Variants in SLC26A3 observed in about 807,000 individuals in gnomAD.
The protein encoded by SLC26A3 is chloride anion exchanger.
SLC26A3 carries 64 observed loss-of-function variants against 85.6 expected under a neutral mutation model. The ratio of observed to expected loss-of-function variants is 0.75; its 90% CI spans 0.61 to 0.92. SLC26A3 has a LOEUF of 0.92. SLC26A3 is among the 40% of genes least tolerant of loss of function. SLC26A3 has a pLI of 0.00. For missense variants in SLC26A3, 922 were observed against 927.3 expected, an observed-to-expected ratio of 0.99 and a Z score of 0.07; for synonymous variants, 349 against 336.0, an observed-to-expected ratio of 1.04 and a Z score of -0.42.
At chr7:107,775,003 A>T (rs1794087247) in intron 15 of SLC26A3, 131 bp from the exon 16 acceptor site, 1 of 767,784 alleles carries the variant, frequency 1.3e-6, no homozygotes, top group Non-Finnish European at 2.3e-6. Flanking sequence ...ACAAAATTTA[A>T]AAGTGGTTTA....
intron 6 of SLC26A3, among the ~76,000 whole-genome samples, chr7:107,788,224 A>T (rs1794330043): frequency 6.6e-6 from 1 of 152,190 alleles, no homozygotes; most frequent in South Asian, 2.1e-4. Flanking sequence ...TTAAAAATCA[A>T]ACACATCTAC....
intron 8 of SLC26A3, among the ~76,000 whole-genome samples, chr7:107,786,240 A>G (rs1227477158): frequency 1.3e-5 from 2 of 152,192 alleles, no homozygotes; most frequent in African/African-American, 4.8e-5. Context: ...ATAGTAATTT[A>G]TGGACAAGGA....
chr7:107,780,522 C>A (rs1170833528), intron 11 of SLC26A3, among the ~76,000 whole-genome samples: 1 of 152,150 alleles, frequency 6.6e-6, no homozygotes, highest in Non-Finnish European at 1.5e-5. Flanking sequence ...TAGGAACATG[C>A]CCCTCACCGT....
intron 1 of SLC26A3, among the ~76,000 whole-genome samples, chr7:107,801,925 CAAAAAA>C (rs11356401): frequency 1.1e-5 from 1 of 91,262 alleles, no homozygotes. Context: ...ACTGAAAATA[CAAAAAA>C]AAAAAAAAAA....
chr7:107,767,055 A>C (rs1263852240), intron 20 of SLC26A3, among the ~76,000 whole-genome samples: 1 of 152,194 alleles, frequency 6.6e-6, no homozygotes, highest in Non-Finnish European at 1.5e-5. Flanking sequence ...AATGTTCTAG[A>C]AATGAACATC....
chr7:107,777,565 G>A (rs997931966), intron 13 of SLC26A3, among the ~76,000 whole-genome samples: 2 of 152,022 alleles, frequency 1.3e-5, no homozygotes, highest in Admixed American at 1.3e-4. Flanking sequence ...ACTCCGGCCT[G>A]GGCGACAAGA....
At chr7:107,777,390 TTCA>T (rs1393988749) in intron 13 of SLC26A3, among the ~76,000 whole-genome samples, 1 of 152,064 alleles carries the variant, frequency 6.6e-6, no homozygotes, top group Non-Finnish European at 1.5e-5. Flanking sequence ...AAGTCAGGAA[TTCA>T]CGAACCAGCC....
intron 7 of SLC26A3, 151 bp from the exon 8 acceptor site, chr7:107,787,060 A>G (rs1415202829): frequency 2.6e-6 from 2 of 774,880 alleles, no homozygotes; most frequent in Non-Finnish European, 4.4e-6. Context: ...TTCGGAGGCA[A>G]TTCTAACATG....
intron 15 of SLC26A3, chr7:107,776,040 A>G (rs754496955): frequency 3.0e-4 from 80 of 268,278 alleles, no homozygotes; most frequent in Middle Eastern, 1.3e-3. Flanking sequence ...ATTGTTATTC[A>G]GTATTAACTA....
intron 17 of SLC26A3, 33 bp from the exon 18 acceptor site, chr7:107,772,141 A>G: frequency 7.9e-7 from 1 of 1,263,032 alleles, no homozygotes; most frequent in Non-Finnish European, 1.2e-6. Flanking sequence ...TTCCTTAGGG[A>G]ACAGTTTCAC....
chr7:107,779,624 T>C, intron 12 of SLC26A3, 44 bp downstream of exon 12: 1 of 1,412,700 alleles, frequency 7.1e-7, no homozygotes, highest in South Asian at 1.2e-5. Context: ...ATTAAAATGC[T>C]ATTGTGATTT....
intron 15 of SLC26A3, chr7:107,775,972 C>G (rs1794108253): frequency 4.9e-6 from 1 of 203,792 alleles, no homozygotes. Flanking sequence ...TTTTTCTTAA[C>G]TGTCAAGACT....
rs1323694163 is a variant in SLC26A3 at position 107,794,413 on chromosome 7, T to C, written c.97A>G (p.Lys33Glu). ...ENHKKTGRHHKTFLDHLKVCC... is the reference protein window; with the variant it reads ...ENHKKTGRHHETFLDHLKVCC... Reference sequence around the variant, plus strand: ...ACTTTGAGATGATCCAGAAATGTCTTATGATGTCTTCCTGTCTTTTTATGA... The same window carrying C: ...ACTTTGAGATGATCCAGAAATGTCTCATGATGTCTTCCTGTCTTTTTATGA... The change falls in exon 2 of 21, where the codon AAG (lysine) becomes GAG (glutamate). Residue 33 changes from lysine (K) to glutamate (E), a missense_variant. By Grantham distance (56) the Lys-to-Glu change is moderately conservative. Coordinates refer to ENST00000340010, the MANE Select transcript of SLC26A3 (RefSeq NM_000111.3). The C allele has an allele frequency of 1.2e-6, 2 of 1,614,058 alleles. 1 individual carries two copies.
chr7:107,778,376 T>TG, intron 12 of SLC26A3, 95 bp from the exon 13 acceptor site: 1 of 835,422 alleles, frequency 1.2e-6, no homozygotes, highest in Non-Finnish European at 1.9e-6. Flanking sequence ...TTTTTTTTTT[T>TG]TGTAGCGACA....
At chr7:107,786,120 A>C (rs978004160) in intron 8 of SLC26A3, among the ~76,000 whole-genome samples, 4 of 152,262 alleles carry the variant, frequency 2.6e-5, no homozygotes, top group African/African-American at 9.6e-5. Flanking sequence ...GAAAGGACAG[A>C]GTGTGCCTAT....
At chr7:107,780,663 C>A (rs760128910) in intron 11 of SLC26A3, among the ~76,000 whole-genome samples, 3 of 152,128 alleles carry the variant, frequency 2.0e-5, no homozygotes, top group Non-Finnish European at 4.4e-5. Context: ...GACAGTTGAA[C>A]TGATCTGCCT....
intron 18 of SLC26A3, among the ~76,000 whole-genome samples, chr7:107,769,681 C>T (rs1373675656): frequency 1.3e-5 from 2 of 152,098 alleles, no homozygotes; most frequent in Admixed American, 1.3e-4. Context: ...CCCCATGACA[C>T]GAGTTTACCT....
At chr7:107,768,468 T>C (rs1041601622) in intron 18 of SLC26A3, among the ~76,000 whole-genome samples, 2 of 152,360 alleles carry the variant, frequency 1.3e-5, no homozygotes, top group East Asian at 3.9e-4. Flanking sequence ...TATTACCTTA[T>C]GTCTGCCATG....
At chr7:107,775,394 T>A (rs1350186934) in intron 15 of SLC26A3, among the ~76,000 whole-genome samples, 1 of 152,088 alleles carries the variant, frequency 6.6e-6, no homozygotes, top group African/African-American at 2.4e-5. Flanking sequence ...TAATATTTAG[T>A]TACAGATAAG....
Sources: gnomAD v4.1 joint callset for allele counts (sites outside exome capture counted in the v4.1 genomes callset) on GRCh38, gnomAD v4.1.1 for gene constraint, MANE v1.5 for transcripts, NCBI Gene and HGNC (gene_info 2026-07-23, HGNC 2026-07-21) for gene names.